Variants in RNGTT observed in about 807,000 individuals in gnomAD.
RNGTT encodes the protein mRNA-capping enzyme.
A neutral mutation model predicts 79.3 loss-of-function variants in RNGTT; 33 were observed. The observed-to-expected ratio is 0.42, with a 90% CI of 0.32 to 0.56. The LOEUF is 0.56. RNGTT is among the 20% of genes least tolerant of loss of function. The pLI, the probability that RNGTT is intolerant of heterozygous loss-of-function variation, is 0.17. For synonymous variants in RNGTT, 222 were observed against 235.9 expected, an observed-to-expected ratio of 0.94 and a Z score of 0.54; for missense variants, 497 against 739.1, an observed-to-expected ratio of 0.67 and a Z score of 3.80.
At chr6:88,712,637 G>A (rs1052304186) in intron 13 of RNGTT, among the ~76,000 whole-genome samples, 3 of 152,140 alleles carry the variant, frequency 2.0e-5, no homozygotes, top group Admixed American at 1.3e-4. Flanking sequence ...TATAGGCATT[G>A]CTAATCTTAG....
chr6:88,908,053 C>A (rs892818960), intron 4 of RNGTT, among the ~76,000 whole-genome samples: 1 of 152,084 alleles, frequency 6.6e-6, no homozygotes, highest in Non-Finnish European at 1.5e-5. Context: ...CTAATATTAC[C>A]TTCTACAAAT....
chr6:88,672,764 T>C (rs577322674), intron 14 of RNGTT, among the ~76,000 whole-genome samples: 1 of 152,280 alleles, frequency 6.6e-6, no homozygotes, highest in African/African-American at 2.4e-5. Flanking sequence ...AATCTGAAAC[T>C]AGCATGAAGA....
At chr6:88,924,632 T>C (rs1562035853) in intron 4 of RNGTT, among the ~76,000 whole-genome samples, 1 of 152,124 alleles carries the variant, frequency 6.6e-6, no homozygotes, top group Non-Finnish European at 1.5e-5. Flanking sequence ...GACCCCAATT[T>C]GTCCAACATC....
At chr6:88,619,067 C>T (rs149756176) in intron 14 of RNGTT, among the ~76,000 whole-genome samples, 55 of 152,154 alleles carry the variant, frequency 3.6e-4, no homozygotes, top group African/African-American at 1.3e-3. Flanking sequence ...TTTCATTGCT[C>T]AAATTGTTCT....
rs4707501 is a variant in RNGTT at position 88,897,974 on chromosome 6, A to T, written c.685-6059T>A. On this transcript the variant is annotated intron_variant, in intron 6 of 15. Transcript: ENST00000369485. ...GGATGACCCCTCATGAGAAAAAGAG[A>T]GCACAAGAAAGCCTACACATTAACT... Among the ~76,000 whole-genome samples the T allele has an allele frequency of 5.4e-3, 825 of 152,226 alleles. 9 individuals are homozygous for T. The highest frequency in any genetic ancestry group is 0.016 in the Admixed American group (237 of 15,288).
At position 88,849,807 on chromosome 6, in the gene RNGTT, ACT is replaced by A; in HGVS notation, c.1050_1051del (p.Arg350SerfsTer8). ...ATATCTAGGAACAGCCTGTCCATTT[ACT>A]CTGTCAATAATCATCTCCTTGAAAG... On this transcript the variant is annotated frameshift_variant, in exon 10 of 16. Transcript: ENST00000369485. LOFTEE classifies it high-confidence loss of function. The A allele has an allele frequency of 1.9e-6, 3 of 1,570,478 alleles. No individual in the cohort carries two copies. Among genetic ancestry groups the A allele is most frequent in the Non-Finnish European group, 2.6e-6 (3 of 1,159,832 alleles).
chr6:88,720,394 C>A (rs1302622116), intron 13 of RNGTT, among the ~76,000 whole-genome samples: 7 of 151,924 alleles, frequency 4.6e-5, no homozygotes, highest in African/African-American at 1.7e-4. Context: ...ATCCCTTTAC[C>A]CTCACCTAAA....
intron 1 of RNGTT, among the ~76,000 whole-genome samples, chr6:88,959,656 C>T (rs1785550060): frequency 6.6e-6 from 1 of 152,124 alleles, no homozygotes; most frequent in African/African-American, 2.4e-5. Context: ...CCTAATTAGT[C>T]TCTCCATTTC....
At chr6:88,809,617 G>T (rs1780070495) in intron 11 of RNGTT, among the ~76,000 whole-genome samples, 1 of 151,800 alleles carries the variant, frequency 6.6e-6, no homozygotes, top group South Asian at 2.1e-4. Flanking sequence ...AATAACCCAA[G>T]AATAAAAGAA....
chr6:88,899,169 G>A (rs1236895718), intron 6 of RNGTT, among the ~76,000 whole-genome samples: 1 of 151,040 alleles, frequency 6.6e-6, no homozygotes, highest in Non-Finnish European at 1.5e-5. Flanking sequence ...TCCTAATTCG[G>A]CCTTTGGAGG....
chr6:88,727,504 A>C (rs1776957490), intron 13 of RNGTT, among the ~76,000 whole-genome samples: 1 of 152,224 alleles, frequency 6.6e-6, no homozygotes, highest in African/African-American at 2.4e-5. Flanking sequence ...TTTAACAAAA[A>C]TTATAAAAGG....
At chr6:88,722,423 T>A (rs957292472) in intron 13 of RNGTT, among the ~76,000 whole-genome samples, 2 of 152,120 alleles carry the variant, frequency 1.3e-5, no homozygotes, top group African/African-American at 4.8e-5. Context: ...AGAATTCAGA[T>A]CACAGGGCAC....
intron 8 of RNGTT, among the ~76,000 whole-genome samples, chr6:88,883,592 T>C (rs916727737): frequency 9.9e-5 from 15 of 152,112 alleles, no homozygotes; most frequent in African/African-American, 3.6e-4. Flanking sequence ...GTAATAATAA[T>C]AACAATGACA....
rs78387924 is a variant in RNGTT at position 88,821,996 on chromosome 6, A to G, written c.1270-20364T>C. Among the ~76,000 whole-genome samples the G allele has an allele frequency of 7.8e-3, 1,183 of 152,284 alleles. 8 individuals carry two copies. The highest frequency in any genetic ancestry group is 0.026 in the African/African-American group (1,094 of 41,560). The stretch of plus-strand genomic sequence containing the variant: ...AATAAATAAGTTGAAAACAAATGGG[A>G]AAAGCTGATAAACTTCAAATTTTAA... On this transcript the variant is annotated intron_variant, in intron 11 of 15. Transcript: ENST00000369485.
At chr6:88,858,379 A>C (rs1273298323) in intron 8 of RNGTT, among the ~76,000 whole-genome samples, 2 of 152,180 alleles carry the variant, frequency 1.3e-5, no homozygotes, top group African/African-American at 4.8e-5. Flanking sequence ...AGAAAACAAG[A>C]TATTAAATAA....
chr6:88,929,346 C>T, intron 2 of RNGTT, 79 bp from the exon 3 acceptor site: 1 of 844,390 alleles, frequency 1.2e-6, no homozygotes, highest in Non-Finnish European at 1.9e-6. Context: ...AATGGCAATA[C>T]TACAGTTCAT....
At chr6:88,930,643 C>G (rs1388157534) in intron 2 of RNGTT, among the ~76,000 whole-genome samples, 1 of 152,016 alleles carries the variant, frequency 6.6e-6, no homozygotes, top group Non-Finnish European at 1.5e-5. Flanking sequence ...AAGAACACTA[C>G]AGAAGCTATA....
chr6:88,739,757 ATATATATATATATATATATATG>A (rs1431685949), intron 13 of RNGTT, among the ~76,000 whole-genome samples: 1 of 65,048 alleles, frequency 1.5e-5, no homozygotes, highest in Non-Finnish European at 3.8e-5. Context: ...ATATATATAT[ATATATATATATATATATATATG>A]TTAACACATG....
At chr6:88,854,327 G>C (rs1052707286) in intron 8 of RNGTT, among the ~76,000 whole-genome samples, 23 of 152,082 alleles carry the variant, frequency 1.5e-4, no homozygotes, top group African/African-American at 5.6e-4. Context: ...ATATTCAGGA[G>C]TAACCTTATG....
Sources: gnomAD v4.1 joint callset for allele counts (sites outside exome capture counted in the v4.1 genomes callset) on GRCh38, gnomAD v4.1.1 for gene constraint, MANE v1.5 for transcripts, NCBI Gene and HGNC (gene_info 2026-07-23, HGNC 2026-07-21) for gene names.